Variants in USP43 observed in about 807,000 individuals in gnomAD.
The protein encoded by USP43 is ubiquitin specific peptidase 43.
In USP43, 33 loss-of-function variants were observed where a neutral mutation model predicts 90.7. The ratio of observed to expected loss-of-function variants is 0.36; its 90% CI spans 0.28 to 0.49. The LOEUF (loss-of-function observed/expected upper bound fraction) is 0.49. Among genes scored for constraint, USP43 ranks in the 20% least tolerant of loss-of-function variants. The pLI is 0.98. For missense variants in USP43, 1,274 were observed against 1,476.4 expected (o/e 0.86, Z 2.25); for synonymous variants, 598 against 615.8 (o/e 0.97, Z 0.43).
At chr17:9,669,030 G>C (rs143707037) in intron 3 of USP43, among the ~76,000 whole-genome samples, 1,880 of 150,886 alleles carry the variant, frequency 0.012, 10 homozygotes, top group Middle Eastern at 0.024. Flanking sequence ...ATTTTTAGTA[G>C]AGATGGGGTT....
At chr17:9,713,319 C>A (rs748519370) in intron 14 of USP43, among the ~76,000 whole-genome samples, 9 of 152,084 alleles carry the variant, frequency 5.9e-5, no homozygotes, top group South Asian at 2.1e-4. Context: ...AAACTCCTGA[C>A]CTCACGTGAT....
At chr17:9,713,820 G>T (rs1916341487) in intron 14 of USP43, among the ~76,000 whole-genome samples, 1 of 152,182 alleles carries the variant, frequency 6.6e-6, no homozygotes, top group South Asian at 2.1e-4. Flanking sequence ...TAATGAGGTG[G>T]GAGAAAGTTG....
In USP43 at chr17:9,701,254, C is replaced by T. The variant is rs1333875770; in HGVS notation, c.1662+9C>T. 1 of 1,606,702 alleles carries T rather than the reference C, an allele frequency of 6.2e-7. No individual in the cohort carries two copies. Among genetic ancestry groups the T allele is most frequent in the Admixed American group, 1.7e-5 (1 of 59,312 alleles). ...ACACCAAGGAGGAGCAGGTCCCGCC[C>T]TGGGGGTCCATGCCCCGGCCGGGAA... On this transcript the variant is annotated intron_variant, in intron 11 of 14. Transcript: ENST00000285199. This position sits in a 1 kb window ranked among gnomAD's most constrained non-coding sequence, Gnocchi z 7.2.
chr17:9,717,699 G>A (rs76890294), intron 14 of USP43, among the ~76,000 whole-genome samples: 8,048 of 151,966 alleles, frequency 0.053, 310 homozygotes, highest in African/African-American at 0.1. Context: ...TGGGAGGGGG[G>A]CCTATCCAGG....
intron 14 of USP43, among the ~76,000 whole-genome samples, chr17:9,714,463 T>C (rs1916375252): frequency 1.3e-5 from 2 of 151,818 alleles, no homozygotes; most frequent in East Asian, 1.9e-4. Context: ...GGGCAGATCA[T>C]GGGGTCAGGA....
At chr17:9,666,821 C>T in intron 3 of USP43, 70 bp downstream of exon 3, 1 of 1,222,272 alleles carries the variant, frequency 8.2e-7, no homozygotes, top group Non-Finnish European at 1.2e-6. Context: ...TAACCAGTCT[C>T]CCATTGACAG....
At chr17:9,704,379 T>G (rs1915755368) in intron 12 of USP43, among the ~76,000 whole-genome samples, 1 of 152,168 alleles carries the variant, frequency 6.6e-6, no homozygotes, top group Non-Finnish European at 1.5e-5. Flanking sequence ...CTCGGCTCAC[T>G]GCAATCTCTG....
At chr17:9,672,429 A>G (rs1283862049) in intron 3 of USP43, among the ~76,000 whole-genome samples, 1 of 152,218 alleles carries the variant, frequency 6.6e-6, no homozygotes, top group Non-Finnish European at 1.5e-5. Flanking sequence ...ATATGTCGCA[A>G]TGCTTCAAGA....
intron 14 of USP43, among the ~76,000 whole-genome samples, chr17:9,715,624 CTG>C (rs367703073): frequency 0.042 from 5,079 of 121,854 alleles, 115 homozygotes; most frequent in African/African-American, 0.071. Flanking sequence ...GAGTGTATGT[CTG>C]TGTGTGTGTT....
At chr17:9,652,212 C>CAAAAAAAAAAAAA (rs769295315) in intron 1 of USP43, among the ~76,000 whole-genome samples, 1 of 42,716 alleles carries the variant, frequency 2.3e-5, no homozygotes. Context: ...GCCCTTAGCG[C>CAAAAAAAAAAAAA]AAAAAAAAAA....
intron 4 of USP43, among the ~76,000 whole-genome samples, chr17:9,675,821 A>G (rs1268142558): frequency 6.6e-6 from 1 of 152,198 alleles, no homozygotes; most frequent in African/African-American, 2.4e-5. Flanking sequence ...GCTGTCTATC[A>G]TCAGTGACAC....
chr17:9,680,066 A>G (rs1477884995), intron 5 of USP43, among the ~76,000 whole-genome samples, 165 bp from the exon 6 acceptor site: 1 of 147,438 alleles, frequency 6.8e-6, no homozygotes, highest in Non-Finnish European at 1.5e-5. Flanking sequence ...ATGTCTGAGG[A>G]CAATCTAATG....
At position 9,681,179 on chromosome 17, in the gene USP43, A is replaced by AC. The variant is rs1326493247; in HGVS notation, c.1105+813_1105+814insC. ...ATATACTATATAATATATACTATAT[A>AC]ATATACTATATAATATATACTATAT... is the stretch of plus-strand genomic sequence containing the variant. On this transcript the variant is annotated intron_variant, in intron 6 of 14. Transcript: ENST00000285199. 5.0e-3 allele frequency among the ~76,000 whole-genome samples: 289 copies of AC among 57,722 alleles called. 24 individuals are homozygous for AC. The highest frequency in any genetic ancestry group is 8.8e-3 in the South Asian group (14 of 1,584). The allele number at this position is 57,722 out of a possible 152,430, so 37.9% of individuals were successfully genotyped here. A position where few individuals can be genotyped will look rare whatever the true frequency, so the allele number is the denominator to read the frequency against.
Position 9,729,130 on chromosome 17 carries a change from G to A in USP43, c.*140G>A. The stretch of plus-strand genomic sequence containing the variant: ...AAAAAATTTTTTTTTTTTTGTGGTG[G>A]GGGGTCTCCATATCTAGACTTCCAA... On this transcript the variant is annotated 3_prime_UTR_variant, in exon 15 of 15. Transcript: ENST00000285199. The A allele has an allele frequency of 1.3e-6, 1 of 743,230 alleles. No homozygotes were observed. The highest frequency in any genetic ancestry group is 3.4e-5 in the South Asian group (1 of 29,044). 46.0% of individuals were successfully genotyped at this position (743,230 alleles called of 1,614,324 possible).
At chr17:9,717,501 C>T (rs1430454486) in intron 14 of USP43, among the ~76,000 whole-genome samples, 1 of 152,044 alleles carries the variant, frequency 6.6e-6, no homozygotes, top group Non-Finnish European at 1.5e-5. Context: ...GGTCATTTTG[C>T]TATAATGTTG....
At chr17:9,648,838 T>C (rs961875549) in intron 1 of USP43, among the ~76,000 whole-genome samples, 5 of 152,006 alleles carry the variant, frequency 3.3e-5, no homozygotes, top group African/African-American at 1.2e-4. Context: ...TGTCTTTTCC[T>C]TTCTCTTTCT....
chr17:9,656,368 C>A, intron 1 of USP43, 35 bp from the exon 2 acceptor site: 1 of 1,600,160 alleles, frequency 6.2e-7, no homozygotes, highest in South Asian at 1.1e-5. Context: ...TATAAGGGGC[C>A]AAATTCACCT....
chr17:9,724,561 T>C (rs1917155186), intron 14 of USP43, among the ~76,000 whole-genome samples: 1 of 152,100 alleles, frequency 6.6e-6, no homozygotes, highest in African/African-American at 2.4e-5. Context: ...ACGCCTGTAA[T>C]CCCAGCTACT....
chr17:9,652,167 T>C (rs1911907231), intron 1 of USP43, among the ~76,000 whole-genome samples: 1 of 148,006 alleles, frequency 6.8e-6, no homozygotes, highest in African/African-American at 2.5e-5. Context: ...GGAGGACCGC[T>C]TGAGGCCAGG....
Sources: allele counts gnomAD v4.1 joint callset (sites outside exome capture counted in the v4.1 genomes callset), GRCh38; gene constraint gnomAD v4.1.1; non-coding constraint Gnocchi (gnomAD v3.1); transcripts MANE v1.5; gene names NCBI Gene and HGNC (gene_info 2026-07-23, HGNC 2026-07-21).